Variants in AGTPBP1 observed in about 807,000 individuals in gnomAD.
AGTPBP1 encodes the protein cytosolic carboxypeptidase 1.
In AGTPBP1, 70 loss-of-function variants were observed where a neutral mutation model predicts 143.9. That is an observed-to-expected ratio of 0.49 (90% CI 0.40 to 0.59). The LOEUF is 0.59. AGTPBP1 is among the 20% of genes least tolerant of loss of function. The pLI is 0.00. For synonymous variants in AGTPBP1, 463 were observed against 500.2 expected, an observed-to-expected ratio of 0.93 and a Z score of 0.99; for missense variants, 1,229 against 1,464.5, an observed-to-expected ratio of 0.84 and a Z score of 2.62.
At chr9:85,691,536 G>GGT (rs58713865) in intron 3 of AGTPBP1, among the ~76,000 whole-genome samples, 26,149 of 144,330 alleles carry the variant, frequency 0.18, 2,333 homozygotes, top group Admixed American at 0.21. Flanking sequence ...AAAAAAAGAG[G>GGT]GTGTGTGTGT....
At chr9:85,678,301 A>T (rs1834960563) in intron 5 of AGTPBP1, 34 bp downstream of exon 5, 3 of 1,482,546 alleles carry the variant, frequency 2.0e-6, no homozygotes, top group Non-Finnish European at 2.8e-6. Flanking sequence ...CACTGTTTAG[A>T]AACAGAAATT....
At chr9:85,562,127 G>A (rs548875492) in intron 25 of AGTPBP1, among the ~76,000 whole-genome samples, 11 of 151,696 alleles carry the variant, frequency 7.3e-5, no homozygotes, top group Admixed American at 2.6e-4. Context: ...GATAAAGTGA[G>A]ACTGCATGAA....
intron 18 of AGTPBP1, 63 bp from the exon 19 acceptor site, chr9:85,592,767 CT>C (rs1239203757): frequency 1.9e-5 from 29 of 1,559,482 alleles, no homozygotes; most frequent in Non-Finnish European, 2.5e-5. Context: ...TTCCTTGTTA[CT>C]TTTATTAAAT....
intron 1 of AGTPBP1, among the ~76,000 whole-genome samples, chr9:85,730,659 T>G (rs929481419): frequency 6.6e-6 from 1 of 152,210 alleles, no homozygotes; most frequent in Non-Finnish European, 1.5e-5. Flanking sequence ...TACCATAGCT[T>G]GAACTTGCCC....
intron 2 of AGTPBP1, among the ~76,000 whole-genome samples, chr9:85,699,684 C>G (rs778773009): frequency 6.6e-6 from 1 of 151,724 alleles, no homozygotes; most frequent in East Asian, 1.9e-4. Flanking sequence ...AACAATATGG[C>G]TTTATTTTCA....
the AGTPBP1 span, among the ~76,000 whole-genome samples, chr9:85,798,825 G>A: frequency 6.6e-6 from 1 of 152,152 alleles, no homozygotes; most frequent in Non-Finnish European, 1.5e-5. Context: ...TTGGGAGGCT[G>A]AGGCAGGAGG....
In AGTPBP1 at chr9:85,633,122, T is replaced by A. The variant is rs150806398; in HGVS notation, c.1555A>T (p.Thr519Ser). 3.1e-6 allele frequency: 5 copies of A among 1,614,020 alleles called. No individual in the cohort carries two copies. Among genetic ancestry groups the A allele is most frequent in the Non-Finnish European group, 4.2e-6 (5 of 1,180,010 alleles). Residue 519 changes from threonine (T) to serine (S), a missense_variant, in exon 14 of 26, where the codon ACT (threonine) becomes TCT (serine). Thr to Ser is a moderately conservative substitution (Grantham distance 58, BLOSUM62 1). Coordinates refer to ENST00000357081, the MANE Select transcript of AGTPBP1 (RefSeq NM_001330701.2). The part of the protein sequence containing the change: ...LQQQPGDQNR[T>S]ISSVHGLNND... ...TTTAAACCATGGACTGATGAAATAG[T>A]TCTATTTTGATCACCTGGCTGCTGT...
chr9:85,700,334 A>T (rs1205147044), intron 2 of AGTPBP1, among the ~76,000 whole-genome samples: 1 of 152,114 alleles, frequency 6.6e-6, no homozygotes, highest in African/African-American at 2.4e-5. Context: ...AACTCATTCA[A>T]CCATCTAGGC....
chr9:85,783,520 T>C, the AGTPBP1 span, among the ~76,000 whole-genome samples: 71 of 152,328 alleles, frequency 4.7e-4, 1 homozygote, highest in African/African-American at 1.3e-3. Flanking sequence ...CAAGGTTTGT[T>C]TGAATTATAA....
At chr9:85,566,262 G>A (rs1827081636) in intron 25 of AGTPBP1, among the ~76,000 whole-genome samples, 1 of 152,186 alleles carries the variant, frequency 6.6e-6, no homozygotes, top group Non-Finnish European at 1.5e-5. Flanking sequence ...GCTCATGCCT[G>A]TAATCCCAGC....
At chr9:85,721,332 G>T (rs1439443119) in intron 1 of AGTPBP1, among the ~76,000 whole-genome samples, 4 of 152,134 alleles carry the variant, frequency 2.6e-5, no homozygotes, top group Non-Finnish European at 4.4e-5. Flanking sequence ...CTTGCTTTAT[G>T]AATCTGGGTA....
intron 19 of AGTPBP1, among the ~76,000 whole-genome samples, chr9:85,591,018 T>A (rs1828925168): frequency 2.6e-5 from 4 of 152,136 alleles, no homozygotes; most frequent in Admixed American, 2.6e-4. Flanking sequence ...GTCTAGCACA[T>A]TAAATCTTTC....
At chr9:85,593,329 A>T (rs377519034) in intron 18 of AGTPBP1, among the ~76,000 whole-genome samples, 4 of 152,210 alleles carry the variant, frequency 2.6e-5, no homozygotes, top group African/African-American at 9.6e-5. Context: ...CCTACATGAC[A>T]ATCCAGCTTC....
chr9:85,698,689 T>C (rs1836438949), intron 2 of AGTPBP1, among the ~76,000 whole-genome samples: 1 of 118,938 alleles, frequency 8.4e-6, no homozygotes, highest in African/African-American at 3.8e-5. Context: ...CTTTTTTTTT[T>C]TTTTTTTTTT....
chr9:85,750,390 T>G, the AGTPBP1 span, among the ~76,000 whole-genome samples: 1 of 152,202 alleles, frequency 6.6e-6, no homozygotes, highest in African/African-American at 2.4e-5. Context: ...TGTAACATTT[T>G]TCTTTATTTA....
intron 13 of AGTPBP1, among the ~76,000 whole-genome samples, chr9:85,640,830 C>A (rs148401164): frequency 6.2e-4 from 94 of 152,276 alleles, no homozygotes; most frequent in African/African-American, 2.2e-3. Context: ...TTTTTCTATT[C>A]CCAAATCAAA....
At chr9:85,746,176 A>G (rs1824577872), upstream of AGTPBP1, among the ~76,000 whole-genome samples, 1 of 152,098 alleles carries the variant, frequency 6.6e-6, no homozygotes, top group African/African-American at 2.4e-5. Context: ...TGAGCCCCAT[A>G]TAAATCAGAC....
At chr9:85,756,813 C>A in the AGTPBP1 span, among the ~76,000 whole-genome samples, 8,413 of 151,916 alleles carry the variant, frequency 0.055, 333 homozygotes, top group African/African-American at 0.11. Flanking sequence ...GAACGTTGAA[C>A]ACCTATGTTA....
At chr9:85,680,285 T>C (rs1256387641) in intron 4 of AGTPBP1, among the ~76,000 whole-genome samples, 1 of 152,046 alleles carries the variant, frequency 6.6e-6, no homozygotes, top group Non-Finnish European at 1.5e-5. Flanking sequence ...ATTTGGACTT[T>C]AAAAACAAAA....
Sources: allele counts gnomAD v4.1 joint callset (sites outside exome capture counted in the v4.1 genomes callset), GRCh38; gene constraint gnomAD v4.1.1; transcripts MANE v1.5; gene names NCBI Gene and HGNC (gene_info 2026-07-23, HGNC 2026-07-21).